The following PHLDB3 variants were observed in gnomAD, a reference collection of about 807,000 sequenced individuals.
PHLDB3 encodes the protein pleckstrin homology-like domain family B member 3.
In PHLDB3, 86 loss-of-function variants were observed where a neutral mutation model predicts 85.7. The ratio of observed to expected loss-of-function variants is 1.00; its 90% CI spans 0.84 to 1.20. PHLDB3 has a LOEUF of 1.20. Among genes scored for constraint, PHLDB3 ranks in the 50% most tolerant of loss-of-function variants. PHLDB3 has a pLI of 0.00. For missense variants in PHLDB3, 995 were observed against 873.0 expected (o/e 1.14, Z -1.76); for synonymous variants, 376 against 349.8 (o/e 1.07, Z -0.83).
chr19:43,475,638 A>C lies in PHLDB3; in HGVS notation c.1789-94T>G, dbSNP rs143146047. 519 of 1,502,050 alleles carry C rather than the reference A, an allele frequency of 3.5e-4. 4 individuals carry two copies. In the African/African-American group the frequency reaches 6.1e-3, roughly 18 times the overall value. 93.0% of individuals were successfully genotyped at this position (1,502,050 alleles called of 1,614,324 possible). A position where few individuals can be genotyped will look rare whatever the true frequency, so the allele number is the denominator to read the frequency against. The stretch of plus-strand genomic sequence containing the variant: ...CCTTGCTACTTATAGTCTGTGTGGC[A>C]CTGGACAAGGTACTTAAGTATCTGA... On this transcript the variant is annotated intron_variant, in intron 15 of 15. Coordinates refer to ENST00000292140, the MANE Select transcript of PHLDB3 (RefSeq NM_198850.4).
Position 43,495,297 on chromosome 19 carries a change from G to A in PHLDB3, c.994C>T (p.Pro332Ser). The A allele has an allele frequency of 6.2e-7, 1 of 1,613,852 alleles. No homozygotes were observed. The highest frequency in any genetic ancestry group is 8.5e-7 in the Non-Finnish European group (1 of 1,179,826). ...LLELNCLQGT[P>S]GGDFSEPNPA... ...TTGGGCTCAGAGAAGTCCCCGCCAG[G>A]TGTTCCCTGAAGGCAATTGAGCTCG... Residue 332 changes from proline to serine, a missense_variant, in exon 8 of 16, where the codon CCT (proline) becomes TCT (serine). Transcript: ENST00000292140.
At chr19:43,480,264 TAAAAAAAA>T (rs57417757) in intron 13 of PHLDB3, among the ~76,000 whole-genome samples, 81 of 71,612 alleles carry the variant, frequency 1.1e-3, no homozygotes, top group African/African-American at 4.6e-3. Context: ...CTTCTCTATT[TAAAAAAAA>T]AAAAAAAAAA....
chr19:43,494,441 T>C (rs1971393294), intron 9 of PHLDB3, among the ~76,000 whole-genome samples: 1 of 151,760 alleles, frequency 6.6e-6, no homozygotes. Flanking sequence ...TGCTGTTTGG[T>C]TGCTTTTAAA....
intron 13 of PHLDB3, among the ~76,000 whole-genome samples, chr19:43,481,755 C>T (rs148320294): frequency 2.6e-4 from 39 of 150,106 alleles, no homozygotes; most frequent in African/African-American, 8.6e-4. Flanking sequence ...GATCACACCA[C>T]GGCACTCCAG....
rs774045778 is a variant in PHLDB3, at chr19:43,475,406, C to T, written c.*4G>A. On this transcript the variant is annotated 3_prime_UTR_variant, in exon 16 of 16. Coordinates refer to ENST00000292140, the MANE Select transcript of PHLDB3 (RefSeq NM_198850.4). ...GGGACTTCCCCCCAAGAGGGCGGGG[C>T]CACTCAGGGGGCGTGGTTTTCGTCA... 1 of 1,613,672 alleles carries T rather than the reference C, an allele frequency of 6.2e-7. No homozygotes were observed. Among genetic ancestry groups the T allele is most frequent in the Admixed American group, 1.7e-5 (1 of 60,012 alleles).
At position 43,487,102 on chromosome 19, in the gene PHLDB3, T is replaced by A. The variant is rs892552449; in HGVS notation, c.1171A>T (p.Thr391Ser). 3 of 1,566,342 alleles carry A rather than the reference T, an allele frequency of 1.9e-6. No homozygotes were observed. The highest frequency in any genetic ancestry group is 2.6e-6 in the Non-Finnish European group (3 of 1,155,176). Reference sequence around the variant, plus strand: ...CCCCTTTTCCGGGGCAGGCTCCCAGTCCTCTGGAGGCCAATGGAGCCCTGA... The same window carrying A: ...CCCCTTTTCCGGGGCAGGCTCCCAGACCTCTGGAGGCCAATGGAGCCCTGA... ...SLQGSIGLQR[T>S]GSLPRKRGER... The change falls in exon 10 of 16, where the codon ACT (threonine) becomes TCT (serine). Residue 391 changes from threonine to serine, a missense_variant. Coordinates refer to ENST00000292140, the MANE Select transcript of PHLDB3 (RefSeq NM_198850.4).
At position 43,475,621 on chromosome 19, in the gene PHLDB3, CTTAT is replaced by C; in HGVS notation, c.1789-81_1789-78del. ...TCTGGGTGCGAACCCAGCCTTGCTA[CTTAT>C]AGTCTGTGTGGCACTGGACAAGGTA... On this transcript the variant is annotated intron_variant, in intron 15 of 15. Transcript: ENST00000292140. 8 of 1,578,174 alleles carry C rather than the reference CTTAT, an allele frequency of 5.1e-6. No homozygotes were observed. The Admixed American group carries it at 1.4e-4, about 28-fold the overall frequency.
intron 9 of PHLDB3, among the ~76,000 whole-genome samples, chr19:43,488,506 T>C (rs1971237095): frequency 6.6e-6 from 1 of 151,932 alleles, no homozygotes; most frequent in Admixed American, 6.6e-5. Context: ...TGCTGGTGGC[T>C]ATGTAGGAAA....
At position 43,504,716 on chromosome 19, in the gene PHLDB3, T is replaced by G; in HGVS notation, c.-142A>C. 1 of 152,682 alleles carries G rather than the reference T, an allele frequency of 6.5e-6. No individual in the cohort carries two copies. The highest frequency in any genetic ancestry group is 1.5e-5 in the Non-Finnish European group (1 of 68,320). The allele number at this position is 152,682 out of a possible 1,614,324, so 9.5% of individuals were successfully genotyped here. On this transcript the variant is annotated 5_prime_UTR_variant, in exon 1 of 16. Coordinates refer to ENST00000292140, the MANE Select transcript of PHLDB3 (RefSeq NM_198850.4). ...CTCACGAGCTCAGGCTTCGGCGCGCTCCGCTCTGCGCGCTGGGCACGGCCG... is the reference window on the plus strand; with the variant it reads ...CTCACGAGCTCAGGCTTCGGCGCGCGCCGCTCTGCGCGCTGGGCACGGCCG...
intron 9 of PHLDB3, among the ~76,000 whole-genome samples, chr19:43,488,146 TCTGTCGCAAAAAAAAAA>T (rs1329630051): frequency 6.7e-6 from 1 of 148,544 alleles, no homozygotes; most frequent in Non-Finnish European, 1.5e-5. Context: ...AGAGCGAGAC[TCTGTCGCAAAAAAAAAA>T]AAGTCCCACT....
chr19:43,504,101 G>T lies in PHLDB3; in HGVS notation c.18C>A (p.Ser6Arg). 1 of 1,603,196 alleles carries T rather than the reference G, an allele frequency of 6.2e-7. No homozygotes were observed. Among genetic ancestry groups the T allele is most frequent in the Non-Finnish European group, 8.5e-7 (1 of 1,175,470 alleles). ...GCGGCGGCGGGGTCCCCTCCTCGGGGCTGCTTCGCGTCCCCATGGCCGCTG... is the reference window on the plus strand; with the variant it reads ...GCGGCGGCGGGGTCCCCTCCTCGGGTCTGCTTCGCGTCCCCATGGCCGCTG... Reference protein sequence around the residue: MGTRSSPEEGTPPPLV... With the variant: MGTRSRPEEGTPPPLV... The change falls in exon 2 of 16, where the codon AGC (serine) becomes AGA (arginine). Residue 6 changes from serine (S) to arginine (R), a missense_variant. Coordinates refer to ENST00000292140, the MANE Select transcript of PHLDB3 (RefSeq NM_198850.4).
At position 43,486,342 on chromosome 19, in the gene PHLDB3, C is replaced by T. The variant is rs985614257; in HGVS notation, c.1429-20G>A. ...TCCTTCCTGTGGATTCAGGATGAAGCACTCAATGAGGATCCCAGCCCATAA... is the reference window on the plus strand; with the variant it reads ...TCCTTCCTGTGGATTCAGGATGAAGTACTCAATGAGGATCCCAGCCCATAA... On this transcript the variant is annotated intron_variant, in intron 12 of 15. Coordinates refer to ENST00000292140, the MANE Select transcript of PHLDB3 (RefSeq NM_198850.4). 4 of 1,598,056 alleles carry T rather than the reference C, an allele frequency of 2.5e-6. No individual in the cohort carries two copies. Among genetic ancestry groups the T allele is most frequent in the African/African-American group, 2.7e-5 (2 of 74,768 alleles).
intron 9 of PHLDB3, among the ~76,000 whole-genome samples, chr19:43,491,514 T>A (rs1971310605): frequency 6.6e-6 from 1 of 152,062 alleles, no homozygotes; most frequent in Non-Finnish European, 1.5e-5. Context: ...AAGATTTTTT[T>A]TTTTTAAGAT....
Position 43,487,591 on chromosome 19 carries a change from A to AAAAAAC in PHLDB3, c.1150-469_1150-468insGTTTTT, listed in dbSNP as rs1167897767. The stretch of plus-strand genomic sequence containing the variant: ...CTCTGTCTCAAAAAAAAAAAAAAAA[A>AAAAAAC]ACACAGAAAAGAAAAAAAGAAATGT... On this transcript the variant is annotated intron_variant, in intron 9 of 15. Transcript: ENST00000292140. Among the ~76,000 whole-genome samples, 10 of 115,766 alleles carry AAAAAAC rather than the reference A, an allele frequency of 8.6e-5. 1 individual carries two copies. Among genetic ancestry groups the AAAAAAC allele is most frequent in the South Asian group, 5.4e-4 (2 of 3,686 alleles). The allele number at this position is 115,766 out of a possible 152,430, so 75.9% of individuals were successfully genotyped here. A position where few individuals can be genotyped will look rare whatever the true frequency, so the allele number is the denominator to read the frequency against.
In PHLDB3 at chr19:43,486,621, C is replaced by G. The variant is rs1367712712; in HGVS notation, c.1416G>C (p.Leu472=). Reference sequence around the variant, plus strand: ...CCTGGGCTCTCACCCGGGCCTTGAGCAGCCGCTCCCTCTCCGCCATGGCCT... The same window carrying G: ...CCTGGGCTCTCACCCGGGCCTTGAGGAGCCGCTCCCTCTCCGCCATGGCCT... ...LQQAMAERER[L]LKAREGTRRG... Residue 472 remains leucine, a synonymous_variant, in exon 12 of 16, where the codon CTG becomes CTC. Coordinates refer to ENST00000292140, the MANE Select transcript of PHLDB3 (RefSeq NM_198850.4). 1 of 1,613,340 alleles carries G rather than the reference C, an allele frequency of 6.2e-7. No homozygotes were observed.
chr19:43,485,588 G>A (rs915907562), intron 13 of PHLDB3, among the ~76,000 whole-genome samples: 2 of 142,190 alleles, frequency 1.4e-5, no homozygotes, highest in Admixed American at 1.4e-4. Flanking sequence ...ACAGATTTTC[G>A]CTCTTATTGC....
intron 4 of PHLDB3, among the ~76,000 whole-genome samples, chr19:43,500,051 C>A (rs1971551308): frequency 6.6e-6 from 1 of 152,056 alleles, no homozygotes; most frequent in Non-Finnish European, 1.5e-5. Flanking sequence ...ACCAGCCTGA[C>A]CAGCATGGAG....
Position 43,479,587 on chromosome 19 carries a change from G to GC in PHLDB3, c.1491_1492insG (p.Pro498AlafsTer60). ...GGGCCTGGAGGGTGGGGTGGGGTGG[G>GC]TGGGGCCTGGGGAGCAAAGAGACGG... On this transcript the variant is annotated frameshift_variant, in exon 14 of 16. Transcript: ENST00000292140. LOFTEE classifies it high-confidence loss of function. 6.8e-7 allele frequency: 1 copy of GC among 1,467,274 alleles called. No individual in the cohort carries two copies. The highest frequency in any genetic ancestry group is 9.3e-7 in the Non-Finnish European group (1 of 1,074,632). 90.9% of individuals were successfully genotyped at this position (1,467,274 alleles called of 1,614,324 possible).
chr19:43,501,533 G>A (rs1971598383), intron 4 of PHLDB3: 8 of 995,132 alleles, frequency 8.0e-6, no homozygotes, highest in Non-Finnish European at 1.1e-5. Flanking sequence ...ACGGACAGGG[G>A]ACAAAGGAAG....
Sources: gnomAD v4.1 joint callset for allele counts (sites outside exome capture counted in the v4.1 genomes callset) on GRCh38, gnomAD v4.1.1 for gene constraint, MANE v1.5 for transcripts, NCBI Gene and HGNC (gene_info 2026-07-23, HGNC 2026-07-21) for gene names.